FSTL4: variants seen among roughly 807,000 people sequenced by gnomAD.
FSTL4 encodes follistatin-related protein 4.
A neutral mutation model predicts 78.2 loss-of-function variants in FSTL4; 28 were observed. The ratio of observed to expected loss-of-function variants is 0.36; its 90% CI spans 0.27 to 0.49. The LOEUF is 0.49. FSTL4 is among the 20% of genes least tolerant of loss of function. The pLI is 0.98. For synonymous variants in FSTL4, 422 were observed against 440.5 expected, an observed-to-expected ratio of 0.96 and a Z score of 0.53; for missense variants, 922 against 1,084.9, an observed-to-expected ratio of 0.85 and a Z score of 2.11.
At chr5:133,653,219 A>T in the FSTL4 span, among the ~76,000 whole-genome samples, 7 of 152,164 alleles carry the variant, frequency 4.6e-5, no homozygotes, top group Non-Finnish European at 1.0e-4. Flanking sequence ...AACTCAGGTG[A>T]AGGAAGGAGA....
At chr5:133,402,653 A>G (rs1756260117) in intron 3 of FSTL4, among the ~76,000 whole-genome samples, 1 of 152,220 alleles carries the variant, frequency 6.6e-6, no homozygotes. Context: ...TTTCATCATT[A>G]CAGATTTGAA....
At chr5:133,459,133 T>C (rs1260482271) in intron 3 of FSTL4, among the ~76,000 whole-genome samples, 1 of 152,098 alleles carries the variant, frequency 6.6e-6, no homozygotes, top group Non-Finnish European at 1.5e-5. Flanking sequence ...CAGCCAGCAG[T>C]CTTCCAGAAA....
intron 1 of FSTL4, among the ~76,000 whole-genome samples, chr5:133,604,692 G>A (rs1421498661): frequency 6.6e-6 from 1 of 152,174 alleles, no homozygotes; most frequent in Non-Finnish European, 1.5e-5. Context: ...CTGGGCGACA[G>A]AGTGAGACTC....
At chr5:133,758,309 TATC>T in the FSTL4 span, among the ~76,000 whole-genome samples, 1 of 152,210 alleles carries the variant, frequency 6.6e-6, no homozygotes, top group South Asian at 2.1e-4. Context: ...AAAGTAGTCT[TATC>T]ATAAAAATCA....
At position 133,440,002 on chromosome 5, in the gene FSTL4, T is replaced by A. The variant is rs931131092; in HGVS notation, c.161-39016A>T. ...CTGTAAGCATAGAGGATCTGTTCAG[T>A]CATGCTGCAGACCCACAGTTCTTAG... On this transcript the variant is annotated intron_variant, in intron 3 of 15. Coordinates refer to ENST00000265342, the MANE Select transcript of FSTL4 (RefSeq NM_015082.2). This position sits in a 1 kb window ranked among gnomAD's most constrained non-coding sequence, Gnocchi z 4.1. Among the ~76,000 whole-genome samples, 3 of 152,088 alleles carry A rather than the reference T, an allele frequency of 2.0e-5. No individual in the cohort carries two copies. Among genetic ancestry groups the A allele is most frequent in the Admixed American group, 6.6e-5 (1 of 15,256 alleles).
the FSTL4 span, among the ~76,000 whole-genome samples, chr5:133,834,292 T>G: frequency 1.3e-5 from 2 of 152,088 alleles, no homozygotes; most frequent in Admixed American, 1.3e-4. Flanking sequence ...GACTAAGCAA[T>G]AGCCCTACAT....
chr5:133,445,883 A>G (rs1049367639), intron 3 of FSTL4, among the ~76,000 whole-genome samples: 1 of 152,254 alleles, frequency 6.6e-6, no homozygotes, highest in Non-Finnish European at 1.5e-5. Context: ...ATGAAAGGTT[A>G]TAAAACACAG....
chr5:133,839,082 G>A, the FSTL4 span, among the ~76,000 whole-genome samples: 1 of 152,188 alleles, frequency 6.6e-6, no homozygotes, highest in East Asian at 1.9e-4. Context: ...AAAGACTGCC[G>A]TGACTGTGTT....
the FSTL4 span, among the ~76,000 whole-genome samples, chr5:133,822,626 T>C: frequency 6.6e-6 from 1 of 152,024 alleles, no homozygotes; most frequent in Non-Finnish European, 1.5e-5. Context: ...AAGCTAAGGA[T>C]GTGAACATTC....
At chr5:133,439,632 G>C (rs924942436) in intron 3 of FSTL4, among the ~76,000 whole-genome samples, 1 of 152,212 alleles carries the variant, frequency 6.6e-6, no homozygotes, top group South Asian at 2.1e-4. Flanking sequence ...TCTTGGGGCT[G>C]ATCTCTCCCT....
chr5:133,227,402 A>C (rs538811870), intron 8 of FSTL4, among the ~76,000 whole-genome samples: 16 of 152,306 alleles, frequency 1.1e-4, no homozygotes, highest in Admixed American at 9.2e-4. Flanking sequence ...GAAAGAAGGA[A>C]ACTTCCCTGC....
chr5:133,423,968 C>T lies in FSTL4; in HGVS notation c.161-22982G>A, dbSNP rs138422343. On this transcript the variant is annotated intron_variant, in intron 3 of 15. Coordinates refer to ENST00000265342, the MANE Select transcript of FSTL4 (RefSeq NM_015082.2). ...GAGCTGAGGAACAGCGCTGGGGTCC[C>T]GGCGGTTCACCAGCTTACCACCAGG... Among the ~76,000 whole-genome samples, 303 of 152,248 alleles carry T rather than the reference C, an allele frequency of 2.0e-3. 1 individual carries two copies. Among genetic ancestry groups the T allele is most frequent in the Non-Finnish European group, 3.7e-3 (255 of 68,008 alleles).
At chr5:133,379,967 C>T (rs926522862) in intron 4 of FSTL4, among the ~76,000 whole-genome samples, 32 of 151,450 alleles carry the variant, frequency 2.1e-4, no homozygotes, top group Non-Finnish European at 5.9e-5. Context: ...CTCAGCTACT[C>T]GGGAGGCTGA....
chr5:133,603,460 A>C (rs1486043434), intron 2 of FSTL4, among the ~76,000 whole-genome samples: 1 of 152,242 alleles, frequency 6.6e-6, no homozygotes, highest in African/African-American at 2.4e-5. Context: ...CCTGAAAAGT[A>C]GTCCATTTCT....
chr5:133,762,659 A>G, the FSTL4 span, among the ~76,000 whole-genome samples: 1 of 152,138 alleles, frequency 6.6e-6, no homozygotes, highest in African/African-American at 2.4e-5. Context: ...TGTTAATTTT[A>G]TCTTCAGAGC....
chr5:133,721,605 A>G, the FSTL4 span, among the ~76,000 whole-genome samples: 1 of 152,112 alleles, frequency 6.6e-6, no homozygotes, highest in African/African-American at 2.4e-5. Context: ...ATATCATCCC[A>G]TTCTATACTG....
chr5:133,822,999 G>A, the FSTL4 span, among the ~76,000 whole-genome samples: 7,223 of 152,220 alleles, frequency 0.047, 283 homozygotes, highest in East Asian at 0.1. Flanking sequence ...GCAGGAGGTG[G>A]GGTTGGGGGC....
intron 7 of FSTL4, among the ~76,000 whole-genome samples, chr5:133,240,058 G>T (rs1199311265): frequency 6.6e-6 from 1 of 152,174 alleles, no homozygotes; most frequent in East Asian, 1.9e-4. Flanking sequence ...AAATGCTGCT[G>T]CTCACTCTTT....
At chr5:133,709,776 A>G in the FSTL4 span, among the ~76,000 whole-genome samples, 1 of 152,256 alleles carries the variant, frequency 6.6e-6, no homozygotes, top group Non-Finnish European at 1.5e-5. Context: ...AGGCTCATCC[A>G]AATGCTCATG....
Sources: allele counts gnomAD v4.1 joint callset (sites outside exome capture counted in the v4.1 genomes callset), GRCh38; gene constraint gnomAD v4.1.1; non-coding constraint Gnocchi (gnomAD v3.1); transcripts MANE v1.5; gene names NCBI Gene and HGNC (gene_info 2026-07-23, HGNC 2026-07-21).